Variants in ANKRD28 observed in about 807,000 individuals in gnomAD.
ANKRD28 encodes ankyrin repeat domain 28.
Under a neutral mutation model 126.5 loss-of-function variants are expected in ANKRD28, and 44 were observed. The observed-to-expected ratio is 0.35, with a 90% confidence interval of 0.27 to 0.45. The LOEUF is 0.45. ANKRD28 is among the 20% of genes least tolerant of loss of function. The pLI is 1.00. For synonymous variants in ANKRD28, 442 were observed against 468.5 expected, an observed-to-expected ratio of 0.94 and a Z score of 0.73; for missense variants, 1,110 against 1,316.6, an observed-to-expected ratio of 0.84 and a Z score of 2.43.
chr3:15,844,709 G>C (rs940996002), intron 1 of ANKRD28, among the ~76,000 whole-genome samples: 1 of 152,124 alleles, frequency 6.6e-6, no homozygotes, highest in African/African-American at 2.4e-5. Flanking sequence ...TTGATAATCT[G>C]TAATAGTTAA....
chr3:15,726,718 T>C (rs1228447451), intron 6 of ANKRD28, among the ~76,000 whole-genome samples: 2 of 152,244 alleles, frequency 1.3e-5, no homozygotes, highest in Non-Finnish European at 2.9e-5. Context: ...AGATTTTCAA[T>C]GCAGATGAAA....
chr3:15,767,693 T>G (rs1172181880), intron 2 of ANKRD28, among the ~76,000 whole-genome samples: 2 of 80,430 alleles, frequency 2.5e-5, no homozygotes, highest in Non-Finnish European at 4.5e-5. Context: ...TGAAACCTAG[T>G]CTCTACTAAA....
chr3:15,723,738 T>C (rs1447254170), intron 7 of ANKRD28, among the ~76,000 whole-genome samples: 1 of 152,150 alleles, frequency 6.6e-6, no homozygotes, highest in Non-Finnish European at 1.5e-5. Flanking sequence ...GCCACTATAC[T>C]ACAGCCTGGG....
chr3:15,808,876 C>T (rs1338139804), intron 1 of ANKRD28, among the ~76,000 whole-genome samples: 1 of 152,198 alleles, frequency 6.6e-6, no homozygotes, highest in African/African-American at 2.4e-5. Flanking sequence ...TTATTCTCAA[C>T]TACTCTACAA....
At position 15,846,414 on chromosome 3, in the gene ANKRD28, G is replaced by A. The variant is rs931950376; in HGVS notation, c.27+12963C>T. 6.6e-6 allele frequency among the ~76,000 whole-genome samples: 1 copy of A among 152,218 alleles called. No individual in the cohort carries two copies. The highest frequency in any genetic ancestry group is 2.4e-5 in the African/African-American group (1 of 41,454). On this transcript the variant is annotated intron_variant, in intron 1 of 27. Transcript: ENST00000399451. This position sits in a 1 kb window ranked among gnomAD's most constrained non-coding sequence, Gnocchi z 5.4. The stretch of plus-strand genomic sequence containing the variant: ...CTGATGCAAGAGGTGAGCTCTCAAG[G>A]CCTTGGGCAGCTCTGCCCCTGTGGC...
chr3:15,742,459 C>T (rs897099257), intron 4 of ANKRD28, among the ~76,000 whole-genome samples: 2 of 146,434 alleles, frequency 1.4e-5, no homozygotes, highest in African/African-American at 2.6e-5. Context: ...AGCGTCTCTG[C>T]CCAGCCGCCC....
intron 6 of ANKRD28, among the ~76,000 whole-genome samples, chr3:15,728,282 A>C (rs1459149695): frequency 7.8e-6 from 1 of 127,506 alleles, no homozygotes; most frequent in African/African-American, 2.6e-5. Flanking sequence ...GTATAGCATA[A>C]ACATATTTTG....
intron 4 of ANKRD28, among the ~76,000 whole-genome samples, chr3:15,739,805 T>C (rs1173632122): frequency 2.0e-5 from 3 of 152,186 alleles, no homozygotes; most frequent in Non-Finnish European, 4.4e-5. Context: ...ATAGCACCAG[T>C]ACTTAACAGG....
Position 15,721,031 on chromosome 3 carries a change from T to C in ANKRD28, c.880A>G (p.Ile294Val). 1 of 1,613,930 alleles carries C rather than the reference T, an allele frequency of 6.2e-7. No individual in the cohort carries two copies. ...CCTTTTTCATTCTTTTGATTCACAA[T>C]AGCACCACAGTCTATAAGTTCATTC... ...VVNELIDCGA[I>V]VNQKNEKGFT... is the part of the protein sequence containing the mutation. The change falls in exon 8 of 28, where the codon ATT (isoleucine) becomes GTT (valine). Residue 294 changes from isoleucine (I) to valine (V), a missense_variant. By Grantham distance (29) the Ile-to-Val change is conservative (BLOSUM62 3). Transcript: ENST00000683139.
At chr3:15,787,536 G>A (rs1429644531) in intron 2 of ANKRD28, among the ~76,000 whole-genome samples, 1 of 152,174 alleles carries the variant, frequency 6.6e-6, no homozygotes, top group Non-Finnish European at 1.5e-5. Flanking sequence ...TGAAAGCTGG[G>A]TAGATACACC....
At chr3:15,702,899 A>G (rs56914352) in intron 14 of ANKRD28, among the ~76,000 whole-genome samples, 26,266 of 151,838 alleles carry the variant, frequency 0.17, 3,457 homozygotes, top group East Asian at 0.56. Context: ...GATACGTCAG[A>G]ACTGTTCCAA....
At chr3:15,763,574 G>A (rs2058598181) in intron 3 of ANKRD28, among the ~76,000 whole-genome samples, 1 of 152,224 alleles carries the variant, frequency 6.6e-6, no homozygotes, top group African/African-American at 2.4e-5. Context: ...GGATTAGGTG[G>A]TAGTGGTAGT....
At chr3:15,720,856 T>C (rs373555708) in intron 8 of ANKRD28, 59 bp downstream of exon 8, 116 of 1,462,790 alleles carry the variant, frequency 7.9e-5, no homozygotes, top group African/African-American at 3.8e-4. Flanking sequence ...GTATTCACCA[T>C]TGATGTTGTT....
In ANKRD28 at chr3:15,853,088, A is replaced by G. The variant is rs2061686950; in HGVS notation, c.27+6289T>C. ...GAAATTAAACCTAAAATATTTGAAA[A>G]TTAAACCACTTCAACTTTACATTGT... On this transcript the variant is annotated intron_variant, in intron 1 of 27. Transcript: ENST00000399451. The surrounding 1 kb of genome is among the most constrained non-coding windows in gnomAD (Gnocchi z 4.2). Among the ~76,000 whole-genome samples, 1 of 152,174 alleles carries G rather than the reference A, an allele frequency of 6.6e-6. No homozygotes were observed. The highest frequency in any genetic ancestry group is 1.5e-5 in the Non-Finnish European group (1 of 68,036).
In ANKRD28 at chr3:15,814,726, C is replaced by T. The variant is rs2166758; in HGVS notation, c.28-19420G>A. ...ATCAGCAATTATTTACCCATGGGGA[C>T]GTGTTGATTTAAGAAACTGCCTATG... On this transcript the variant is annotated intron_variant, in intron 1 of 27. Coordinates refer to the ANKRD28 transcript ENST00000399451. This position sits in a 1 kb window ranked among gnomAD's most constrained non-coding sequence, Gnocchi z 4.7. 0.63 allele frequency among the ~76,000 whole-genome samples: 95,279 copies of T among 151,758 alleles called. 31,318 individuals carry two copies. The highest frequency in any genetic ancestry group is 0.91 in the East Asian group (4,706 of 5,182).
intron 2 of ANKRD28, among the ~76,000 whole-genome samples, chr3:15,766,646 T>C (rs114472072): frequency 0.025 from 3,814 of 151,826 alleles, 163 homozygotes; most frequent in African/African-American, 0.086. Flanking sequence ...TACTCCACCC[T>C]GGGTAACAGA....
intron 14 of ANKRD28, among the ~76,000 whole-genome samples, chr3:15,704,785 T>G (rs2071126983): frequency 6.6e-6 from 1 of 152,208 alleles, no homozygotes; most frequent in African/African-American, 2.4e-5. Context: ...AAAGGATGCC[T>G]CTGGTATCCC....
chr3:15,754,006 C>T (rs1324036673), intron 3 of ANKRD28, among the ~76,000 whole-genome samples: 2 of 152,024 alleles, frequency 1.3e-5, no homozygotes, highest in Admixed American at 6.6e-5. Context: ...GATCTGAAAA[C>T]AAAAAGTAAA....
intron 3 of ANKRD28, among the ~76,000 whole-genome samples, chr3:15,753,837 C>CTCAGAGGCTGAGGCAGGAA (rs2058011908): frequency 6.6e-6 from 1 of 152,016 alleles, no homozygotes; most frequent in African/African-American, 2.4e-5. Context: ...AGTCTAATTA[C>CTCAGAGGCTGAGGCAGGAA]TCAGAGGCTG....
Sources: gnomAD v4.1 joint callset for allele counts (sites outside exome capture counted in the v4.1 genomes callset) on GRCh38, gnomAD v4.1.1 for gene constraint, Gnocchi (gnomAD v3.1) non-coding constraint, MANE v1.5 for transcripts, NCBI Gene and HGNC (gene_info 2026-07-23, HGNC 2026-07-21) for gene names.